PSPC1: variants seen among roughly 807,000 people sequenced by gnomAD.
PSPC1 encodes the protein paraspeckle protein 1.
Under a neutral mutation model 51.6 loss-of-function variants are expected in PSPC1, and 14 were observed. The ratio of observed to expected loss-of-function variants is 0.27; its 90% CI spans 0.18 to 0.42. PSPC1 has a LOEUF of 0.42. Among genes scored for constraint, PSPC1 ranks in the 10% least tolerant of loss-of-function variants. PSPC1 has a pLI of 1.00. For synonymous variants in PSPC1, 193 were observed against 231.9 expected, an observed-to-expected ratio of 0.83 and a Z score of 1.53; for missense variants, 406 against 701.1, an observed-to-expected ratio of 0.58 and a Z score of 4.75.
At chr13:19,781,288 A>T (rs919791033) in intron 1 of PSPC1, among the ~76,000 whole-genome samples, 6 of 151,946 alleles carry the variant, frequency 3.9e-5, no homozygotes, top group Admixed American at 3.9e-4. Context: ...AGTAACTGGG[A>T]CTACAGGCGC....
At chr13:19,673,167 G>A (rs1040175762), downstream of PSPC1, 1 of 452,522 alleles carries the variant, frequency 2.2e-6, no homozygotes. Flanking sequence ...TGGGGCTTAG[G>A]TAACAGCCAA....
intron 6 of PSPC1, among the ~76,000 whole-genome samples, chr13:19,688,960 CTTAAAA>C (rs1331472346): frequency 7.0e-6 from 1 of 142,332 alleles, no homozygotes; most frequent in East Asian, 2.0e-4. Context: ...GTGATAAACT[CTTAAAA>C]AAAAAAAAAA....
chr13:19,778,108 T>G (rs1275258362), intron 1 of PSPC1, among the ~76,000 whole-genome samples: 4 of 139,212 alleles, frequency 2.9e-5, no homozygotes, highest in African/African-American at 5.4e-5. Context: ...TGGGCGTGGT[T>G]GCATGCGCCT....
chr13:19,685,916 GC>G (rs1877818336), intron 6 of PSPC1, among the ~76,000 whole-genome samples: 1 of 152,102 alleles, frequency 6.6e-6, no homozygotes, highest in Non-Finnish European at 1.5e-5. Flanking sequence ...TGTATCCAGA[GC>G]TTTTGTCATT....
chr13:19,682,223 G>A (rs1877343829), intron 6 of PSPC1, among the ~76,000 whole-genome samples: 1 of 152,054 alleles, frequency 6.6e-6, no homozygotes, highest in African/African-American at 2.4e-5. Context: ...TAAAAAAGTT[G>A]TATCTTTCAG....
At chr13:19,711,940 T>G (rs191486761) in intron 6 of PSPC1, among the ~76,000 whole-genome samples, 1 of 152,162 alleles carries the variant, frequency 6.6e-6, no homozygotes, top group African/African-American at 2.4e-5. Flanking sequence ...TTATCACTAC[T>G]TTCAATAAAC....
intron 6 of PSPC1, among the ~76,000 whole-genome samples, chr13:19,727,222 C>T (rs965943747): frequency 2.0e-5 from 3 of 152,034 alleles, no homozygotes; most frequent in African/African-American, 7.2e-5. Context: ...GGTGAAACCC[C>T]ATCTCTACCA....
At chr13:19,762,908 C>G (rs960529937) in intron 2 of PSPC1, among the ~76,000 whole-genome samples, 1 of 152,064 alleles carries the variant, frequency 6.6e-6, no homozygotes, top group Non-Finnish European at 1.5e-5. Context: ...GAGTTTGAGA[C>G]CAGCCTGACC....
intron 3 of PSPC1, among the ~76,000 whole-genome samples, chr13:19,752,015 G>A (rs921689312): frequency 6.6e-6 from 1 of 152,164 alleles, no homozygotes; most frequent in Non-Finnish European, 1.5e-5. Flanking sequence ...CTGAGATCCT[G>A]CCACTGCACT....
intron 6 of PSPC1, among the ~76,000 whole-genome samples, chr13:19,710,604 A>C (rs1176517153): frequency 6.6e-6 from 1 of 152,230 alleles, no homozygotes; most frequent in Non-Finnish European, 1.5e-5. Flanking sequence ...ACTGTTGAAA[A>C]GCACCTATAA....
intron 6 of PSPC1, among the ~76,000 whole-genome samples, chr13:19,692,768 C>A (rs1161034905): frequency 6.6e-6 from 1 of 152,050 alleles, no homozygotes; most frequent in African/African-American, 2.4e-5. Flanking sequence ...TTTGCATCTC[C>A]CTCCTCCGCC....
intron 6 of PSPC1, among the ~76,000 whole-genome samples, chr13:19,689,293 C>T (rs181503530): frequency 2.6e-5 from 4 of 152,146 alleles, no homozygotes; most frequent in South Asian, 4.2e-4. Context: ...AGGATGATAA[C>T]GAGGATGCAA....
chr13:19,750,463 T>A (rs971979041), intron 4 of PSPC1, among the ~76,000 whole-genome samples: 14 of 150,322 alleles, frequency 9.3e-5, no homozygotes, highest in South Asian at 8.6e-4. Flanking sequence ...AACAAAAATA[T>A]ATATATATAT....
intron 5 of PSPC1, among the ~76,000 whole-genome samples, chr13:19,735,209 G>A (rs1297098462): frequency 6.6e-6 from 1 of 152,164 alleles, no homozygotes; most frequent in African/African-American, 2.4e-5. Flanking sequence ...CTACTCGGGA[G>A]GCTGAGGCAG....
intron 4 of PSPC1, 118 bp from the exon 5 acceptor site, chr13:19,741,767 A>C: frequency 1.8e-6 from 1 of 551,246 alleles, no homozygotes; most frequent in Non-Finnish European, 3.1e-6. Flanking sequence ...ATTTTATAAT[A>C]ATGTAAGCTG....
At position 19,773,398 on chromosome 13, in the gene PSPC1, C is replaced by T. The variant is rs532364416; in HGVS notation, c.373-855G>A. Among the ~76,000 whole-genome samples, 174 of 151,448 alleles carry T rather than the reference C, an allele frequency of 1.1e-3. 1 individual carries two copies. Among genetic ancestry groups the T allele is most frequent in the Middle Eastern group, 6.8e-3 (2 of 294 alleles). ...CCAAGTAGCTGGGATTACAGGTGCC[C>T]GCTACCACGCCCAGCTAATTTTTTG... is the stretch of plus-strand genomic sequence containing the variant. On this transcript the variant is annotated intron_variant, in intron 1 of 8. Coordinates refer to ENST00000338910, the MANE Select transcript of PSPC1 (RefSeq NM_001354909.2).
At chr13:19,765,497 A>AT (rs68120306) in intron 2 of PSPC1, among the ~76,000 whole-genome samples, 5 of 124,362 alleles carry the variant, frequency 4.0e-5, no homozygotes, top group African/African-American at 1.5e-4. Flanking sequence ...AAGGGATCTA[A>AT]TTTTTTTTTT....
intron 1 of PSPC1, among the ~76,000 whole-genome samples, chr13:19,780,061 C>T (rs1232823068): frequency 2.1e-4 from 25 of 116,376 alleles, no homozygotes; most frequent in East Asian, 3.1e-4. Context: ...AGGTGAGGGG[C>T]GCCTCTGCCC....
intron 5 of PSPC1, 64 bp from the exon 6 acceptor site, chr13:19,730,408 T>C: frequency 7.2e-7 from 1 of 1,390,806 alleles, no homozygotes; most frequent in South Asian, 1.2e-5. Flanking sequence ...GACATTTTAC[T>C]TCATGTAAAA....
Sources: gnomAD v4.1 joint callset for allele counts (sites outside exome capture counted in the v4.1 genomes callset) on GRCh38, gnomAD v4.1.1 for gene constraint, MANE v1.5 for transcripts, NCBI Gene and HGNC (gene_info 2026-07-23, HGNC 2026-07-21) for gene names.